Variants in STAU2 observed in about 807,000 individuals in gnomAD.
STAU2 encodes staufen double-stranded RNA binding protein 2, also known as double-stranded RNA-binding protein Staufen homolog 2.
Under a neutral mutation model 65.9 loss-of-function variants are expected in STAU2, and 20 were observed. The observed-to-expected ratio is 0.30, with a 90% CI of 0.21 to 0.44. The LOEUF is 0.44. Ranked by LOEUF, STAU2 falls within the 20% of genes least tolerant of loss-of-function variation. STAU2 has a pLI of 1.00. For synonymous variants in STAU2, 232 were observed against 233.9 expected (o/e 0.99, Z 0.07); for missense variants, 558 against 683.9 (o/e 0.82, Z 2.05).
rs1258357822 is a variant in STAU2 at position 73,709,160 on chromosome 8, A to G, written c.-15T>C. On this transcript the variant is annotated splice_region_variant and 5_prime_UTR_variant, in exon 4 of 15. Coordinates refer to ENST00000524300, the MANE Select transcript of STAU2 (RefSeq NM_001164380.2). ...GGGTTTGCCATTTTATCTTGGAGAG[A>G]AGCTGTAAATAAAAAGGCTATAAAG... 1 of 1,512,222 alleles carries G rather than the reference A, an allele frequency of 6.6e-7. No individual in the cohort carries two copies. The highest frequency in any genetic ancestry group is 1.4e-5 in the African/African-American group (1 of 72,158). The allele number at this position is 1,512,222 out of a possible 1,614,324, so 93.7% of individuals were successfully genotyped here. A position where few individuals can be genotyped will look rare whatever the true frequency, so the allele number is the denominator to read the frequency against.
chr8:73,571,335 C>T (rs1333368479), intron 12 of STAU2, among the ~76,000 whole-genome samples: 2 of 152,176 alleles, frequency 1.3e-5, no homozygotes, highest in Non-Finnish European at 2.9e-5. Context: ...TTAGACAGAT[C>T]AACGAGACAG....
chr8:73,673,661 C>T (rs1817842233), intron 5 of STAU2, among the ~76,000 whole-genome samples: 1 of 152,032 alleles, frequency 6.6e-6, no homozygotes, highest in Admixed American at 6.5e-5. Context: ...TAAGCATTGG[C>T]AAGAAAGTCA....
chr8:73,425,831 C>T (rs1816778027), intron 13 of STAU2, among the ~76,000 whole-genome samples: 1 of 151,970 alleles, frequency 6.6e-6, no homozygotes, highest in Non-Finnish European at 1.5e-5. Context: ...CTTACTCTGT[C>T]ACCCAGGCTG....
chr8:73,528,237 T>G (rs1043053373), intron 13 of STAU2, among the ~76,000 whole-genome samples: 2 of 152,214 alleles, frequency 1.3e-5, no homozygotes, highest in African/African-American at 4.8e-5. Context: ...ACTCTTCTAT[T>G]TCTACAGTAT....
At chr8:73,432,423 A>G (rs1229256158) in intron 13 of STAU2, among the ~76,000 whole-genome samples, 1 of 152,204 alleles carries the variant, frequency 6.6e-6, no homozygotes, top group Non-Finnish European at 1.5e-5. Flanking sequence ...TAACTGAAAA[A>G]CCAGAAGGTT....
chr8:73,635,798 T>C (rs1049666097), intron 6 of STAU2, among the ~76,000 whole-genome samples: 1 of 151,202 alleles, frequency 6.6e-6, no homozygotes, highest in Non-Finnish European at 1.5e-5. Context: ...GCACTCCAGC[T>C]TGGGCAACAG....
chr8:73,602,150 T>C (rs1229213803), intron 10 of STAU2, among the ~76,000 whole-genome samples: 4 of 152,008 alleles, frequency 2.6e-5, no homozygotes, highest in Admixed American at 2.6e-4. Context: ...GCAGCAAATA[T>C]CTATCAAATG....
At chr8:73,421,701 T>C (rs1816389467) in intron 14 of STAU2, among the ~76,000 whole-genome samples, 1 of 152,246 alleles carries the variant, frequency 6.6e-6, no homozygotes, top group African/African-American at 2.4e-5. Context: ...CATGTCTGTT[T>C]ACCAAATGTT....
chr8:73,440,000 A>G lies in STAU2; in HGVS notation c.1531-17298T>C, dbSNP rs144214492. 1,104 of 152,408 alleles carry G rather than the reference A, an allele frequency of 7.2e-3. 7 individuals carry two copies. Among genetic ancestry groups the G allele is most frequent in the Admixed American group, 9.3e-3 (143 of 15,310 alleles). The allele number at this position is 152,408 out of a possible 1,614,324, so 9.4% of individuals were successfully genotyped here. On this transcript the variant is annotated intron_variant, in intron 13 of 14. Coordinates refer to ENST00000524300, the MANE Select transcript of STAU2 (RefSeq NM_001164380.2). ...CCCGACCATGTCCTGGAGCCTCTTA[A>G]GAGCGAAGCTCAGGGTGCAGGACCT...
At chr8:73,568,511 G>A (rs1808789974) in intron 12 of STAU2, among the ~76,000 whole-genome samples, 1 of 152,094 alleles carries the variant, frequency 6.6e-6, no homozygotes, top group Admixed American at 6.5e-5. Context: ...GCTGAGGCAA[G>A]AGGATCCCTT....
At chr8:73,564,500 G>A (rs550699819) in intron 12 of STAU2, among the ~76,000 whole-genome samples, 1 of 152,168 alleles carries the variant, frequency 6.6e-6, no homozygotes, top group Admixed American at 6.5e-5. Flanking sequence ...GTGAAGGGTG[G>A]AGGGTGGAGG....
intron 5 of STAU2, among the ~76,000 whole-genome samples, chr8:73,676,524 C>A (rs1818038358): frequency 1.3e-5 from 2 of 152,134 alleles, no homozygotes; most frequent in Admixed American, 1.3e-4. Context: ...AAATGGCACA[C>A]CAAAAAAGCG....
chr8:73,736,398 A>T (rs1806428315), intron 3 of STAU2, among the ~76,000 whole-genome samples: 1 of 152,248 alleles, frequency 6.6e-6, no homozygotes, highest in South Asian at 2.1e-4. Flanking sequence ...CACTGTCTTC[A>T]TGAAACAAAC....
chr8:73,742,345 G>T, intron 1 of STAU2: 1 of 490,346 alleles, frequency 2.0e-6, no homozygotes, highest in South Asian at 8.8e-5. Flanking sequence ...CTAGCCTGGC[G>T]AACACGGCAA....
At chr8:73,665,876 C>T (rs1817201647) in intron 6 of STAU2, among the ~76,000 whole-genome samples, 1 of 152,124 alleles carries the variant, frequency 6.6e-6, no homozygotes, top group South Asian at 2.1e-4. Flanking sequence ...AACCTATGCA[C>T]ATCCTCCCAT....
intron 3 of STAU2, among the ~76,000 whole-genome samples, chr8:73,728,401 T>C (rs1805801655): frequency 2.0e-5 from 3 of 152,028 alleles, no homozygotes. Flanking sequence ...TTCAAGATGG[T>C]TTTGGCTATT....
chr8:73,568,960 C>A (rs1348505957), intron 12 of STAU2, among the ~76,000 whole-genome samples: 1 of 152,120 alleles, frequency 6.6e-6, no homozygotes, highest in Non-Finnish European at 1.5e-5. Context: ...CCAGGTTCAT[C>A]TCACTGGGGC....
chr8:73,687,346 A>G (rs1818965749), intron 5 of STAU2, among the ~76,000 whole-genome samples: 1 of 78,460 alleles, frequency 1.3e-5, no homozygotes, highest in Admixed American at 2.0e-4. Context: ...ATTTATATTT[A>G]TAATTTATAT....
chr8:73,497,909 A>G (rs1821514630), intron 13 of STAU2, among the ~76,000 whole-genome samples: 1 of 151,868 alleles, frequency 6.6e-6, no homozygotes, highest in Non-Finnish European at 1.5e-5. Flanking sequence ...TTGTCAAAAT[A>G]CAAAAGGTGT....
Sources: allele counts gnomAD v4.1 joint callset (sites outside exome capture counted in the v4.1 genomes callset), GRCh38; gene constraint gnomAD v4.1.1; transcripts MANE v1.5; gene names NCBI Gene and HGNC (gene_info 2026-07-23, HGNC 2026-07-21).